ELAPOR1: variants seen among roughly 807,000 people sequenced by gnomAD.
ELAPOR1 encodes the protein endosome/lysosome-associated apoptosis and autophagy regulator 1.
In ELAPOR1, 77 loss-of-function variants were observed where a neutral mutation model predicts 119.7. That is an observed-to-expected ratio of 0.64 (90% CI 0.54 to 0.78). ELAPOR1 has a LOEUF of 0.78. Among genes scored for constraint, ELAPOR1 ranks in the 30% least tolerant of loss-of-function variants. The pLI, the probability that ELAPOR1 is intolerant of heterozygous loss-of-function variation, is 0.00. For synonymous variants in ELAPOR1, 481 were observed against 487.2 expected, an observed-to-expected ratio of 0.99 and a Z score of 0.17; for missense variants, 1,115 against 1,270.4, an observed-to-expected ratio of 0.88 and a Z score of 1.86.
chr1:109,191,760 C>G lies in ELAPOR1; in HGVS notation c.1580C>G (p.Thr527Arg), dbSNP rs41279692. The G allele has an allele frequency of 1.1e-5, 18 of 1,614,186 alleles. No homozygotes were observed. Among genetic ancestry groups the G allele is most frequent in the Non-Finnish European group, 1.5e-5 (18 of 1,180,032 alleles). Residue 527 changes from threonine (T) to arginine (R), a missense_variant, in exon 13 of 22, where the codon ACG becomes AGG. Coordinates refer to ENST00000369939, the MANE Select transcript of ELAPOR1 (RefSeq NM_020775.5). Reference protein sequence around the residue: ...VNSRTNTPVETWKGSKGKQSY... With the variant: ...VNSRTNTPVERWKGSKGKQSY... The stretch of plus-strand genomic sequence containing the variant: ...TCTAGGACCAACACTCCTGTGGAGA[C>G]GTGGAAAGGTTCCAAAGGCAAACAG...
intron 7 of ELAPOR1, among the ~76,000 whole-genome samples, chr1:109,176,412 A>G (rs1652288749): frequency 6.6e-6 from 1 of 152,130 alleles, no homozygotes; most frequent in Non-Finnish European, 1.5e-5. Flanking sequence ...AACCCAGCAC[A>G]AGGCCCTCTC....
At chr1:109,130,218 T>C (rs560100336) in intron 1 of ELAPOR1, among the ~76,000 whole-genome samples, 19 of 152,164 alleles carry the variant, frequency 1.2e-4, no homozygotes, top group Non-Finnish European at 2.6e-4. Flanking sequence ...CATTCTGAGC[T>C]CCAGGGTGGG....
chr1:109,133,445 G>A (rs1649276943), intron 1 of ELAPOR1, among the ~76,000 whole-genome samples: 1 of 152,088 alleles, frequency 6.6e-6, no homozygotes, highest in Admixed American at 6.5e-5. Context: ...ACAGAAAGAT[G>A]TACTGATGGT....
intron 1 of ELAPOR1, among the ~76,000 whole-genome samples, chr1:109,148,214 C>T (rs1227320564): frequency 1.8e-5 from 2 of 113,806 alleles, no homozygotes; most frequent in East Asian, 6.8e-4. Context: ...TCTTGGCTCA[C>T]TGCAACCTCC....
chr1:109,162,101 TG>T, intron 2 of ELAPOR1, 87 bp downstream of exon 2: 2 of 1,432,972 alleles, frequency 1.4e-6, no homozygotes, highest in Non-Finnish European at 1.9e-6. Flanking sequence ...GGGCCCTTCC[TG>T]GCAGAGCAGC....
In ELAPOR1 at chr1:109,143,993, G is replaced by T. The variant is rs142202019; in HGVS notation, c.154-17901G>T. Among the ~76,000 whole-genome samples the T allele has an allele frequency of 6.6e-4, 97 of 147,136 alleles. No homozygotes were observed. In the East Asian group the frequency reaches 0.017, roughly 26 times the overall value. Reference sequence around the variant, plus strand: ...TGAACTTAATCTTAAGGATTATTGGGTGCCAATATTTTTGGAAAGGGAAGG... The same window carrying T: ...TGAACTTAATCTTAAGGATTATTGGTTGCCAATATTTTTGGAAAGGGAAGG... On this transcript the variant is annotated intron_variant, in intron 1 of 21. Coordinates refer to ENST00000369939, the MANE Select transcript of ELAPOR1 (RefSeq NM_020775.5).
At chr1:109,172,162 GC>G in intron 4 of ELAPOR1, 149 bp downstream of exon 4, 1 of 997,776 alleles carries the variant, frequency 1.0e-6, no homozygotes, top group Non-Finnish European at 1.5e-6. Flanking sequence ...ATGAGCTGAG[GC>G]CCAGGAGGCA....
intron 14 of ELAPOR1, 104 bp from the exon 15 acceptor site, chr1:109,194,317 C>G: frequency 1.0e-6 from 1 of 969,110 alleles, no homozygotes; most frequent in Non-Finnish European, 1.6e-6. Context: ...TCCTCTTGAC[C>G]CCATTTGGGC....
intron 7 of ELAPOR1, among the ~76,000 whole-genome samples, 178 bp downstream of exon 7, chr1:109,174,015 ATT>A (rs57356277): frequency 6.5e-5 from 9 of 137,782 alleles, no homozygotes; most frequent in Non-Finnish European, 7.8e-5. Context: ...TCACTTTGTC[ATT>A]TTTTTTTTTT....
intron 7 of ELAPOR1, among the ~76,000 whole-genome samples, chr1:109,183,343 A>C (rs1558057568): frequency 2.1e-5 from 1 of 47,500 alleles, no homozygotes; most frequent in African/African-American, 5.1e-5. Context: ...AAAAAAAAAA[A>C]AAAAACAAAA....
intron 7 of ELAPOR1, among the ~76,000 whole-genome samples, chr1:109,183,720 G>C (rs2101091209): frequency 6.6e-6 from 1 of 151,996 alleles, no homozygotes; most frequent in African/African-American, 2.4e-5. Context: ...CTGGACTCAA[G>C]TGATTCTCCT....
intron 1 of ELAPOR1, among the ~76,000 whole-genome samples, chr1:109,140,921 G>C (rs372079232): frequency 6.6e-6 from 1 of 151,972 alleles, no homozygotes; most frequent in African/African-American, 2.4e-5. Context: ...CCACGATCTC[G>C]GCTCACTGCA....
chr1:109,179,810 G>T (rs1295615902), intron 7 of ELAPOR1, among the ~76,000 whole-genome samples: 1 of 152,104 alleles, frequency 6.6e-6, no homozygotes, highest in Admixed American at 6.5e-5. Context: ...GGAGGCTGAG[G>T]CAAGAGAATT....
intron 7 of ELAPOR1, among the ~76,000 whole-genome samples, chr1:109,182,811 G>A (rs868367244): frequency 5.4e-5 from 8 of 149,328 alleles, no homozygotes; most frequent in South Asian, 2.1e-4. Context: ...AGCTTGCAGT[G>A]AGCCGAGATC....
intron 1 of ELAPOR1, among the ~76,000 whole-genome samples, chr1:109,147,996 A>AT (rs36071384): frequency 0.41 from 57,667 of 139,776 alleles, 13,417 homozygotes; most frequent in East Asian, 0.54. Flanking sequence ...CGCCCGGCTA[A>AT]TTTTTTTTTT....
intron 2 of ELAPOR1, 69 bp from the exon 3 acceptor site, chr1:109,164,430 T>A (rs1425687126): frequency 2.1e-6 from 3 of 1,406,380 alleles, no homozygotes; most frequent in Non-Finnish European, 3.0e-6. Context: ...CTTCAGCTGC[T>A]CGCAGCCCAT....
intron 1 of ELAPOR1, among the ~76,000 whole-genome samples, chr1:109,159,448 A>G (rs144059880): frequency 0.011 from 1,652 of 152,356 alleles, 29 homozygotes; most frequent in African/African-American, 0.038. Flanking sequence ...AGGCCAATGC[A>G]GTCAGAATGA....
intron 1 of ELAPOR1, among the ~76,000 whole-genome samples, chr1:109,123,513 T>G (rs1648576764): frequency 6.6e-6 from 1 of 152,202 alleles, no homozygotes; most frequent in South Asian, 2.1e-4. Context: ...CATAGTCAAA[T>G]TGCATAGTCA....
rs186608831 is a variant in ELAPOR1, at chr1:109,189,472, A to G, written c.1349-120A>G. The G allele has an allele frequency of 5.5e-5, 50 of 916,222 alleles. No individual in the cohort carries two copies. The African/African-American group carries it at 7.2e-4, about 13-fold the overall frequency. 56.8% of individuals were successfully genotyped at this position (916,222 alleles called of 1,614,324 possible). ...AGGATAAGTAACACGGTTCATGTTC[A>G]GTGGTGGTTCTGGGCGCCTCAAAAG... On this transcript the variant is annotated intron_variant, in intron 10 of 21. Coordinates refer to ENST00000369939, the MANE Select transcript of ELAPOR1 (RefSeq NM_020775.5).
Sources: allele counts gnomAD v4.1 joint callset (sites outside exome capture counted in the v4.1 genomes callset), GRCh38; gene constraint gnomAD v4.1.1; transcripts MANE v1.5; gene names NCBI Gene and HGNC (gene_info 2026-07-23, HGNC 2026-07-21).